Variants in ZRANB3 observed in about 807,000 individuals in gnomAD.
The protein encoded by ZRANB3 is zinc finger RANBP2-type containing 3.
A neutral mutation model predicts 133.8 loss-of-function variants in ZRANB3; 125 were observed. The observed-to-expected ratio is 0.93, with a 90% CI of 0.81 to 1.08. The LOEUF is 1.08. ZRANB3 is among the 50% of genes least tolerant of loss of function. The pLI, the probability that ZRANB3 is intolerant of heterozygous loss-of-function variation, is 0.00. For synonymous variants in ZRANB3, 387 were observed against 432.7 expected (o/e 0.89, Z 1.31); for missense variants, 1,229 against 1,275.5 (o/e 0.96, Z 0.56).
intron 3 of ZRANB3, among the ~76,000 whole-genome samples, chr2:135,378,796 T>C (rs59788258): frequency 0.27 from 40,629 of 152,036 alleles, 9,131 homozygotes; most frequent in African/African-American, 0.6. Flanking sequence ...CCAGTTGAAT[T>C]CCAATTAAGG....
At chr2:135,434,054 C>T (rs1028027160) in intron 2 of ZRANB3, among the ~76,000 whole-genome samples, 25 of 151,458 alleles carry the variant, frequency 1.7e-4, no homozygotes, top group African/African-American at 3.6e-4. Flanking sequence ...CCCGGATGCT[C>T]GGGAGGCTGA....
chr2:135,497,211 C>A (rs918720984), intron 2 of ZRANB3, among the ~76,000 whole-genome samples: 1 of 152,132 alleles, frequency 6.6e-6, no homozygotes, highest in Non-Finnish European at 1.5e-5. Context: ...ATTCACAAAT[C>A]CAGCACTTTT....
At chr2:135,427,092 A>T (rs1157299692) in intron 2 of ZRANB3, among the ~76,000 whole-genome samples, 2 of 151,264 alleles carry the variant, frequency 1.3e-5, no homozygotes, top group Admixed American at 1.3e-4. Flanking sequence ...TCTACAACAA[A>T]CCCACAGCCA....
At chr2:135,443,498 G>A (rs140235830) in intron 2 of ZRANB3, among the ~76,000 whole-genome samples, 4 of 151,934 alleles carry the variant, frequency 2.6e-5, no homozygotes, top group South Asian at 2.1e-4. Flanking sequence ...AAACCTGCAC[G>A]TTGTGCACAT....
At chr2:135,466,308 G>A (rs1225245951) in intron 2 of ZRANB3, among the ~76,000 whole-genome samples, 4 of 148,282 alleles carry the variant, frequency 2.7e-5, no homozygotes, top group East Asian at 2.0e-4. Context: ...GCTTGAACCC[G>A]GGAGTCGGAG....
At chr2:135,483,506 C>G (rs1326122352) in intron 2 of ZRANB3, among the ~76,000 whole-genome samples, 1 of 151,902 alleles carries the variant, frequency 6.6e-6, no homozygotes, top group Non-Finnish European at 1.5e-5. Context: ...ATTCTTCTCT[C>G]TTTTTTTATT....
chr2:135,231,088 T>C (rs1694992210), intron 12 of ZRANB3, 161 bp from the exon 13 acceptor site: 1 of 466,612 alleles, frequency 2.1e-6, no homozygotes, highest in Non-Finnish European at 3.5e-6. Context: ...TATATACATA[T>C]ATAAATATAT....
chr2:135,373,817 A>AGGGGAG (rs1366618556), intron 3 of ZRANB3, among the ~76,000 whole-genome samples: 1 of 106,996 alleles, frequency 9.3e-6, no homozygotes, highest in South Asian at 4.1e-4. Context: ...AGGGGAGGGG[A>AGGGGAG]CGGGAGGGGA....
intron 8 of ZRANB3, among the ~76,000 whole-genome samples, chr2:135,300,946 T>G (rs1294647776): frequency 1.3e-5 from 2 of 152,130 alleles, no homozygotes; most frequent in Non-Finnish European, 2.9e-5. Flanking sequence ...CTATGAACTG[T>G]GACTTTCATA....
At chr2:135,308,670 T>C (rs1682818019) in intron 8 of ZRANB3, among the ~76,000 whole-genome samples, 1 of 152,216 alleles carries the variant, frequency 6.6e-6, no homozygotes, top group Non-Finnish European at 1.5e-5. Context: ...CTTCCTCTGT[T>C]ACTCAGCCTG....
chr2:135,392,123 G>A (rs1687264539), intron 2 of ZRANB3, among the ~76,000 whole-genome samples: 2 of 151,886 alleles, frequency 1.3e-5, no homozygotes. Flanking sequence ...GATATTTCCA[G>A]ACAACCTAAA....
intron 1 of ZRANB3, among the ~76,000 whole-genome samples, chr2:135,510,269 G>A (rs1043939644): frequency 1.3e-5 from 2 of 152,104 alleles, no homozygotes; most frequent in African/African-American, 2.4e-5. Flanking sequence ...TGCAAAATAA[G>A]CAAGGAAATT....
intron 12 of ZRANB3, among the ~76,000 whole-genome samples, chr2:135,252,058 C>A (rs141897149): frequency 1.8e-3 from 271 of 152,068 alleles, no homozygotes; most frequent in African/African-American, 5.8e-3. Context: ...AACAAACAAA[C>A]AAAAAAACCC....
intron 2 of ZRANB3, among the ~76,000 whole-genome samples, chr2:135,488,034 T>C (rs1692199647): frequency 1.3e-5 from 2 of 152,188 alleles, no homozygotes; most frequent in South Asian, 4.1e-4. Flanking sequence ...TGTATGATCT[T>C]TCCTTCTACT....
intron 15 of ZRANB3, among the ~76,000 whole-genome samples, chr2:135,222,848 C>T (rs901333017): frequency 1.3e-5 from 2 of 152,022 alleles, no homozygotes; most frequent in Non-Finnish European, 2.9e-5. Context: ...TAGTGGCTCA[C>T]GCCTATAATC....
chr2:135,340,772 C>CAATTTCACTTCTATAACT (rs1558928847), intron 6 of ZRANB3, among the ~76,000 whole-genome samples: 1 of 150,880 alleles, frequency 6.6e-6, no homozygotes, highest in African/African-American at 2.5e-5. Context: ...AGGAGAATTG[C>CAATTTCACTTCTATAACT]TTGAACCTAG....
intron 2 of ZRANB3, among the ~76,000 whole-genome samples, chr2:135,400,737 C>T (rs765953190): frequency 1.3e-5 from 2 of 152,180 alleles, no homozygotes; most frequent in Admixed American, 1.3e-4. Flanking sequence ...ACAGGTCATG[C>T]ATGCCAATTG....
At chr2:135,381,169 G>C (rs1686673867) in intron 3 of ZRANB3, among the ~76,000 whole-genome samples, 1 of 152,130 alleles carries the variant, frequency 6.6e-6, no homozygotes, top group Non-Finnish European at 1.5e-5. Context: ...GTGCTTTTCT[G>C]ACCGTCATAG....
At chr2:135,271,390 C>T in intron 10 of ZRANB3, 1 of 473,706 alleles carries the variant, frequency 2.1e-6, no homozygotes, top group African/African-American at 2.0e-5. Context: ...CCTTGTCATA[C>T]AGGTCCTAAT....
Sources: gnomAD v4.1 joint callset for allele counts (sites outside exome capture counted in the v4.1 genomes callset) on GRCh38, gnomAD v4.1.1 for gene constraint, MANE v1.5 for transcripts, NCBI Gene and HGNC (gene_info 2026-07-23, HGNC 2026-07-21) for gene names.